The following GLDC variants were observed in gnomAD, a reference collection of about 807,000 sequenced individuals.
GLDC encodes glycine dehydrogenase (decarboxylating), mitochondrial.
A neutral mutation model predicts 121.3 loss-of-function variants in GLDC; 104 were observed. The ratio of observed to expected loss-of-function variants is 0.86; its 90% CI spans 0.73 to 1.01. GLDC has a LOEUF of 1.01. Among genes scored for constraint, GLDC ranks in the 50% least tolerant of loss-of-function variants. GLDC has a pLI of 0.00. For synonymous variants in GLDC, 546 were observed against 480.6 expected (o/e 1.14, Z -1.78); for missense variants, 1,429 against 1,306.6 (o/e 1.09, Z -1.44).
chr9:6,566,700 A>C (rs571954976), intron 15 of GLDC, among the ~76,000 whole-genome samples: 1 of 152,366 alleles, frequency 6.6e-6, no homozygotes, highest in Non-Finnish European at 1.5e-5. Context: ...TGAGTAATAG[A>C]TGTATCAGTC....
At chr9:6,618,621 C>T (rs905800950) in intron 3 of GLDC, among the ~76,000 whole-genome samples, 2 of 152,074 alleles carry the variant, frequency 1.3e-5, no homozygotes, top group Non-Finnish European at 1.5e-5. Context: ...TGGTTCTTTA[C>T]ATCATACAGC....
At chr9:6,635,960 A>G (rs1412851599) in intron 2 of GLDC, among the ~76,000 whole-genome samples, 1 of 152,192 alleles carries the variant, frequency 6.6e-6, no homozygotes, top group Non-Finnish European at 1.5e-5. Context: ...ACAGTTGTCT[A>G]AACCCCTAGA....
At chr9:6,583,830 G>C (rs140319354) in intron 15 of GLDC, among the ~76,000 whole-genome samples, 53 of 152,320 alleles carry the variant, frequency 3.5e-4, no homozygotes, top group African/African-American at 1.3e-3. Flanking sequence ...CATGGAGCCA[G>C]AAAGTAGAAT....
intron 17 of GLDC, 67 bp from the exon 18 acceptor site, chr9:6,556,369 G>C: frequency 1.5e-6 from 2 of 1,304,878 alleles, no homozygotes; most frequent in Non-Finnish European, 2.2e-6. Context: ...CCAAATCCTC[G>C]CCTTTCATTT....
chr9:6,595,736 G>A (rs1044993669), intron 8 of GLDC, among the ~76,000 whole-genome samples: 3 of 152,296 alleles, frequency 2.0e-5, no homozygotes, highest in South Asian at 2.1e-4. Context: ...CAGAAGCCGA[G>A]ATGGATCACT....
At chr9:6,599,428 A>C (rs1000920402) in intron 8 of GLDC, among the ~76,000 whole-genome samples, 2 of 151,944 alleles carry the variant, frequency 1.3e-5, no homozygotes, top group Non-Finnish European at 2.9e-5. Context: ...CCACCATATA[A>C]AGATCACCAT....
At chr9:6,553,654 T>C (rs569436653) in intron 19 of GLDC, 145 bp from the exon 20 acceptor site, 3 of 774,470 alleles carry the variant, frequency 3.9e-6, no homozygotes, top group African/African-American at 3.4e-5. Context: ...GGGAGGCAGA[T>C]GTTCAGGAAG....
chr9:6,602,905 T>C (rs970148660), intron 7 of GLDC, among the ~76,000 whole-genome samples: 3 of 151,852 alleles, frequency 2.0e-5, no homozygotes, highest in Non-Finnish European at 4.4e-5. Context: ...TTCAAAAAAA[T>C]AAAAAATAAT....
intron 3 of GLDC, among the ~76,000 whole-genome samples, chr9:6,614,020 G>A (rs1818916109): frequency 6.6e-6 from 1 of 151,210 alleles, no homozygotes; most frequent in African/African-American, 2.4e-5. Flanking sequence ...CAGGTGATCT[G>A]CCCACCCTGG....
chr9:6,592,347 A>C, intron 10 of GLDC, 124 bp from the exon 11 acceptor site: 1 of 727,308 alleles, frequency 1.4e-6, no homozygotes, highest in South Asian at 1.5e-5. Flanking sequence ...ATATCAGGGT[A>C]CAATTATCTC....
intron 1 of GLDC, 36 bp from the exon 2 acceptor site, chr9:6,644,728 T>C: frequency 7.0e-7 from 1 of 1,438,164 alleles, no homozygotes; most frequent in Non-Finnish European, 9.8e-7. Context: ...AAAGTGCCTC[T>C]GAGTTAAAAG....
intron 16 of GLDC, among the ~76,000 whole-genome samples, chr9:6,559,014 G>C (rs901315475): frequency 1.3e-4 from 20 of 152,122 alleles, no homozygotes; most frequent in African/African-American, 4.3e-4. Flanking sequence ...CACCTTAGAA[G>C]AACATGAGAC....
intron 4 of GLDC, among the ~76,000 whole-genome samples, chr9:6,609,857 C>G (rs895478125): frequency 1.3e-5 from 2 of 152,122 alleles, no homozygotes; most frequent in Non-Finnish European, 2.9e-5. Flanking sequence ...CCAGCACTTC[C>G]CAGTGGGGGA....
intron 2 of GLDC, among the ~76,000 whole-genome samples, chr9:6,634,897 C>A (rs1242624569): frequency 6.6e-6 from 1 of 152,200 alleles, no homozygotes; most frequent in Non-Finnish European, 1.5e-5. Context: ...CCTTCCACTT[C>A]CCTCTATAGT....
At chr9:6,627,647 T>G (rs1819273518) in intron 2 of GLDC, among the ~76,000 whole-genome samples, 1 of 152,168 alleles carries the variant, frequency 6.6e-6, no homozygotes, top group African/African-American at 2.4e-5. Context: ...CTAGTCACGC[T>G]TCTTTCCATT....
intron 11 of GLDC, chr9:6,591,859 G>A (rs576503013): frequency 4.1e-4 from 92 of 223,844 alleles, no homozygotes; most frequent in Admixed American, 6.5e-4. Context: ...CCAAAGTGCT[G>A]GGATTACAGG....
intron 15 of GLDC, among the ~76,000 whole-genome samples, chr9:6,572,070 T>C (rs1041472549): frequency 6.6e-5 from 10 of 152,060 alleles, no homozygotes; most frequent in African/African-American, 1.9e-4. Context: ...ATGTAAAACA[T>C]AAAACTATGA....
At chr9:6,644,575 G>A in intron 2 of GLDC, 39 bp downstream of exon 2, 1 of 1,370,350 alleles carries the variant, frequency 7.3e-7, no homozygotes, top group Non-Finnish European at 1.0e-6. Context: ...AAATAGGCCA[G>A]AATAATCTAA....
intron 16 of GLDC, among the ~76,000 whole-genome samples, chr9:6,559,710 G>T (rs375352422): frequency 3.2e-4 from 48 of 151,484 alleles, no homozygotes; most frequent in African/African-American, 1.1e-3. Context: ...AGCTACTCAG[G>T]AGGCTGAGAC....
Sources: gnomAD v4.1 joint callset for allele counts (sites outside exome capture counted in the v4.1 genomes callset) on GRCh38, gnomAD v4.1.1 for gene constraint, MANE v1.5 for transcripts, NCBI Gene and HGNC (gene_info 2026-07-23, HGNC 2026-07-21) for gene names.